Variants in FBXL7 observed in about 807,000 individuals in gnomAD.
FBXL7 encodes F-box/LRR-repeat protein 7.
In FBXL7, 12 loss-of-function variants were observed where a neutral mutation model predicts 38.3. The observed-to-expected ratio is 0.31, with a 90% CI of 0.20 to 0.51. The LOEUF (loss-of-function observed/expected upper bound fraction) is 0.51, where lower values mean the gene tolerates loss of function less well. Ranked by LOEUF, FBXL7 falls within the 20% of genes least tolerant of loss-of-function variation. FBXL7 has a pLI of 0.98. For missense variants in FBXL7, 567 were observed against 676.4 expected, an observed-to-expected ratio of 0.84 and a Z score of 1.79; for synonymous variants, 297 against 300.9, an observed-to-expected ratio of 0.99 and a Z score of 0.13.
chr5:15,744,789 G>T (rs149979093), intron 2 of FBXL7, among the ~76,000 whole-genome samples: 8,081 of 149,644 alleles, frequency 0.054, 228 homozygotes, highest in East Asian at 0.084. Flanking sequence ...TTGCATGGCT[G>T]GGGAGGCCTC....
chr5:15,777,748 T>TAAAAAAAAAAAAAAAAAAAAAAAAA (rs1250146374), intron 2 of FBXL7, among the ~76,000 whole-genome samples: 80 of 89,444 alleles, frequency 8.9e-4, no homozygotes, highest in Non-Finnish European at 1.0e-3. Context: ...AAAAAAAAAG[T>TAAAAAAAAAAAAAAAAAAAAAAAAA]AAATTCCAGT....
intron 2 of FBXL7, among the ~76,000 whole-genome samples, chr5:15,853,377 G>A (rs1331424324): frequency 6.6e-6 from 1 of 152,128 alleles, no homozygotes; most frequent in African/African-American, 2.4e-5. Context: ...GATGAGAAAG[G>A]GGTTACTAGT....
intron 2 of FBXL7, among the ~76,000 whole-genome samples, chr5:15,666,347 C>A (rs140457661): frequency 1.2e-3 from 181 of 152,282 alleles, no homozygotes; most frequent in Middle Eastern, 6.8e-3. Context: ...TAAATACAGT[C>A]ATAATGTGCA....
intron 2 of FBXL7, among the ~76,000 whole-genome samples, chr5:15,690,840 A>T (rs1182471251): frequency 6.6e-6 from 1 of 152,156 alleles, no homozygotes; most frequent in Non-Finnish European, 1.5e-5. Flanking sequence ...CAGATGCTGG[A>T]TTCTTCAGTG....
At chr5:15,625,524 T>C (rs1440568251) in intron 2 of FBXL7, among the ~76,000 whole-genome samples, 1 of 152,112 alleles carries the variant, frequency 6.6e-6, no homozygotes, top group African/African-American at 2.4e-5. Flanking sequence ...TGTAGTGGCA[T>C]GCATCTGTAA....
intron 2 of FBXL7, among the ~76,000 whole-genome samples, chr5:15,841,637 A>G (rs1229743764): frequency 6.6e-6 from 1 of 152,208 alleles, no homozygotes; most frequent in Non-Finnish European, 1.5e-5. Flanking sequence ...ACAGAGTAAA[A>G]TACATTTTCC....
chr5:15,760,524 C>T (rs1006433481), intron 2 of FBXL7, among the ~76,000 whole-genome samples: 3 of 151,848 alleles, frequency 2.0e-5, no homozygotes, highest in African/African-American at 4.8e-5. Context: ...TTCACAGGCT[C>T]ATCATTGCCT....
chr5:15,691,905 G>T (rs1743194230), intron 2 of FBXL7, among the ~76,000 whole-genome samples: 2 of 152,140 alleles, frequency 1.3e-5, no homozygotes, highest in African/African-American at 4.8e-5. Flanking sequence ...GGATTTGGAT[G>T]GTAGAAGCAC....
chr5:15,567,339 G>A (rs1007679892), intron 1 of FBXL7, among the ~76,000 whole-genome samples: 2 of 151,922 alleles, frequency 1.3e-5, no homozygotes, highest in African/African-American at 4.8e-5. Flanking sequence ...TTCTACTTAG[G>A]TCATAAATTT....
intron 1 of FBXL7, among the ~76,000 whole-genome samples, chr5:15,530,930 G>T (rs1311537361): frequency 6.6e-6 from 1 of 152,144 alleles, no homozygotes; most frequent in Non-Finnish European, 1.5e-5. Context: ...GTCCCCCAAA[G>T]AAAACACTGT....
intron 2 of FBXL7, among the ~76,000 whole-genome samples, chr5:15,633,205 TA>T (rs1489578311): frequency 6.6e-6 from 1 of 152,170 alleles, no homozygotes; most frequent in Non-Finnish European, 1.5e-5. Context: ...GATTATAGGT[TA>T]TTTTTATTTT....
intron 2 of FBXL7, among the ~76,000 whole-genome samples, chr5:15,777,320 T>C (rs1182389062): frequency 1.3e-5 from 2 of 152,072 alleles, no homozygotes; most frequent in Non-Finnish European, 2.9e-5. Context: ...TCAAGCTTTA[T>C]TATATCAAAT....
intron 2 of FBXL7, among the ~76,000 whole-genome samples, chr5:15,871,100 C>T (rs372109814): frequency 2.6e-5 from 4 of 152,332 alleles, no homozygotes; most frequent in East Asian, 1.9e-4. Flanking sequence ...TGGGATGAAG[C>T]TTCCACAGGA....
intron 1 of FBXL7, among the ~76,000 whole-genome samples, chr5:15,579,704 G>A (rs1451628679): frequency 6.6e-6 from 1 of 152,132 alleles, no homozygotes; most frequent in East Asian, 1.9e-4. Context: ...GAAGGTCTTG[G>A]TGGAGTGGAT....
At chr5:15,810,939 C>T (rs774247766) in intron 2 of FBXL7, among the ~76,000 whole-genome samples, 3 of 152,146 alleles carry the variant, frequency 2.0e-5, no homozygotes, top group East Asian at 1.9e-4. Context: ...AGAAACATAT[C>T]GGCATTTTCA....
At chr5:15,501,247 G>T (rs1736478216) in intron 1 of FBXL7, among the ~76,000 whole-genome samples, 1 of 152,132 alleles carries the variant, frequency 6.6e-6, no homozygotes, top group Non-Finnish European at 1.5e-5. Flanking sequence ...TGGGGGCTTT[G>T]TCTGGTCTCT....
chr5:15,576,189 T>A (rs919593278), intron 1 of FBXL7, among the ~76,000 whole-genome samples: 1 of 150,252 alleles, frequency 6.7e-6, no homozygotes, highest in Non-Finnish European at 1.5e-5. Flanking sequence ...TTCAAGCAAT[T>A]CTCCTGCCTC....
chr5:15,863,546 T>C (rs1334341240), intron 2 of FBXL7, among the ~76,000 whole-genome samples: 1 of 152,190 alleles, frequency 6.6e-6, no homozygotes, highest in African/African-American at 2.4e-5. Context: ...TTTTACTGTC[T>C]GGCACCATTT....
chr5:15,792,504 G>A lies in FBXL7; in HGVS notation c.128-135386G>A, dbSNP rs531813474. ...TTGATTTTGTATTAATTCATGTGGG[G>A]TGAGGGAAGGCAGTATTTTCATTCC... On this transcript the variant is annotated intron_variant, in intron 2 of 3. Transcript: ENST00000504595. 4.6e-5 allele frequency among the ~76,000 whole-genome samples: 7 copies of A among 152,300 alleles called. No homozygotes were observed. The East Asian group carries it at 5.8e-4, about 13-fold the overall frequency.
Sources: allele counts gnomAD v4.1 joint callset (sites outside exome capture counted in the v4.1 genomes callset), GRCh38; gene constraint gnomAD v4.1.1; transcripts MANE v1.5; gene names NCBI Gene and HGNC (gene_info 2026-07-23, HGNC 2026-07-21).